The following ELMO1 variants were observed in gnomAD, a reference collection of about 807,000 sequenced individuals.
ELMO1 encodes the protein engulfment and cell motility 1, also known as engulfment and cell motility protein 1.
ELMO1 carries 26 observed loss-of-function variants against 98.9 expected under a neutral mutation model. That is an observed-to-expected ratio of 0.26 (90% CI 0.19 to 0.36). The LOEUF (loss-of-function observed/expected upper bound fraction) is 0.36, where lower values mean the gene tolerates loss of function less well. Ranked by LOEUF, ELMO1 falls within the 10% of genes least tolerant of loss-of-function variation. The pLI is 1.00. For synonymous variants in ELMO1, 346 were observed against 346.0 expected (o/e 1.00, Z 0.00); for missense variants, 627 against 935.2 (o/e 0.67, Z 4.30).
At chr7:37,092,356 T>C (rs1784144141) in intron 15 of ELMO1, among the ~76,000 whole-genome samples, 1 of 147,020 alleles carries the variant, frequency 6.8e-6, no homozygotes, top group Non-Finnish European at 1.5e-5. Flanking sequence ...CAAAAAAAAT[T>C]ACCCATATTC....
At chr7:37,365,496 A>G (rs1412239082) in intron 1 of ELMO1, among the ~76,000 whole-genome samples, 1 of 152,218 alleles carries the variant, frequency 6.6e-6, no homozygotes, top group Non-Finnish European at 1.5e-5. Context: ...GAAAAAGCAG[A>G]AGAGAAGCCT....
At chr7:36,933,453 C>A (rs1786227079) in intron 16 of ELMO1, among the ~76,000 whole-genome samples, 1 of 152,186 alleles carries the variant, frequency 6.6e-6, no homozygotes, top group Non-Finnish European at 1.5e-5. Context: ...TCCTGCTAAG[C>A]CTCTAAGGTG....
chr7:37,220,723 T>C (rs1793543988), intron 10 of ELMO1, among the ~76,000 whole-genome samples: 1 of 152,182 alleles, frequency 6.6e-6, no homozygotes, highest in African/African-American at 2.4e-5. Flanking sequence ...GCAGTAAGCA[T>C]TTTACTCATG....
intron 14 of ELMO1, among the ~76,000 whole-genome samples, chr7:37,131,868 A>G (rs1329780106): frequency 6.6e-6 from 1 of 152,184 alleles, no homozygotes; most frequent in Non-Finnish European, 1.5e-5. Context: ...ATATAGAACA[A>G]CACACAGATT....
At chr7:37,308,154 T>A (rs1798711288) in intron 4 of ELMO1, among the ~76,000 whole-genome samples, 1 of 152,132 alleles carries the variant, frequency 6.6e-6, no homozygotes, top group South Asian at 2.1e-4. Flanking sequence ...AAAACACCCA[T>A]GCATTCTTTT....
chr7:37,120,072 T>C (rs1267243896), intron 14 of ELMO1, among the ~76,000 whole-genome samples: 7 of 152,250 alleles, frequency 4.6e-5, no homozygotes, highest in Admixed American at 1.3e-4. Context: ...CTCAAGATTA[T>C]ACAAATTCCG....
chr7:37,076,506 C>T (rs1797588344), intron 15 of ELMO1, among the ~76,000 whole-genome samples: 1 of 152,168 alleles, frequency 6.6e-6, no homozygotes, highest in Non-Finnish European at 1.5e-5. Flanking sequence ...CAGTCAACAA[C>T]CAGAAGGTTA....
intron 16 of ELMO1, among the ~76,000 whole-genome samples, chr7:36,929,962 T>C (rs761322071): frequency 3.3e-5 from 5 of 152,220 alleles, no homozygotes. Flanking sequence ...AGTGGCCTAA[T>C]GAAATAGTGC....
chr7:37,295,448 T>A (rs1010396997), intron 4 of ELMO1, among the ~76,000 whole-genome samples: 1 of 152,226 alleles, frequency 6.6e-6, no homozygotes, highest in Non-Finnish European at 1.5e-5. Flanking sequence ...AAAAACAGTA[T>A]CACTAGCACA....
chr7:36,875,920 ATT>A (rs1803924311), intron 19 of ELMO1, among the ~76,000 whole-genome samples: 1 of 152,142 alleles, frequency 6.6e-6, no homozygotes, highest in African/African-American at 2.4e-5. Context: ...TTGAGAAGTG[ATT>A]ACATCCCTAT....
chr7:37,441,514 T>C (rs764325555), intron 1 of ELMO1, among the ~76,000 whole-genome samples: 3 of 152,188 alleles, frequency 2.0e-5, no homozygotes, highest in Non-Finnish European at 4.4e-5. Flanking sequence ...AAGGTGGATT[T>C]GACAAGCAAA....
At chr7:36,906,534 C>T (rs900194642) in intron 16 of ELMO1, among the ~76,000 whole-genome samples, 5 of 152,184 alleles carry the variant, frequency 3.3e-5, no homozygotes, top group African/African-American at 9.7e-5. Context: ...ATTCGCTCAG[C>T]TAACATTTAC....
intron 19 of ELMO1, among the ~76,000 whole-genome samples, chr7:36,875,383 TTCTC>T (rs140740651): frequency 3.9e-4 from 59 of 152,160 alleles, no homozygotes; most frequent in East Asian, 7.7e-4. Flanking sequence ...CACACTCTCT[TTCTC>T]TCTCTCTCAC....
chr7:37,277,723 A>C, intron 4 of ELMO1, among the ~76,000 whole-genome samples: 1 of 152,224 alleles, frequency 6.6e-6, no homozygotes, highest in East Asian at 1.9e-4. Flanking sequence ...TGAGAAAGGA[A>C]TCCAGAGCCT....
At chr7:37,341,458 T>C (rs940431246) in intron 2 of ELMO1, among the ~76,000 whole-genome samples, 1 of 152,246 alleles carries the variant, frequency 6.6e-6, no homozygotes, top group Non-Finnish European at 1.5e-5. Context: ...TACTTTTCTC[T>C]GTTTGTATAG....
intron 13 of ELMO1, among the ~76,000 whole-genome samples, chr7:37,174,391 C>CA (rs1321562783): frequency 6.6e-5 from 10 of 152,054 alleles, no homozygotes; most frequent in Non-Finnish European, 1.5e-4. Flanking sequence ...GTTTAATCAC[C>CA]AAAAATCGAG....
chr7:37,122,538 G>A (rs962455983), intron 14 of ELMO1, among the ~76,000 whole-genome samples: 1 of 152,162 alleles, frequency 6.6e-6, no homozygotes, highest in Non-Finnish European at 1.5e-5. Context: ...AAGAGACGAA[G>A]AAGGCCATTA....
At position 37,215,946 on chromosome 7, in the gene ELMO1, A is replaced by C. The variant is rs80135834; in HGVS notation, c.831+699T>G. On this transcript the variant is annotated intron_variant, in intron 11 of 21. Coordinates refer to ENST00000310758, the MANE Select transcript of ELMO1 (RefSeq NM_014800.11). ...GTAAGCTTGCTGAACTGCTCTTTGG[A>C]ATCACGCAAACAGAGATTTTTCTTT... Among the ~76,000 whole-genome samples the C allele has an allele frequency of 2.5e-3, 376 of 152,184 alleles. 1 individual carries two copies. Among genetic ancestry groups the C allele is most frequent in the African/African-American group, 8.8e-3 (365 of 41,534 alleles).
intron 14 of ELMO1, among the ~76,000 whole-genome samples, chr7:37,102,405 G>C (rs1271031682): frequency 2.6e-5 from 4 of 152,110 alleles, no homozygotes; most frequent in Admixed American, 1.3e-4. Context: ...AATGAGCAGA[G>C]AAAGAAGAAC....
Sources: allele counts gnomAD v4.1 joint callset (sites outside exome capture counted in the v4.1 genomes callset), GRCh38; gene constraint gnomAD v4.1.1; transcripts MANE v1.5; gene names NCBI Gene and HGNC (gene_info 2026-07-23, HGNC 2026-07-21).